Variants in FEZF2 observed in about 807,000 individuals in gnomAD.
FEZF2 encodes the protein fez family zinc finger protein 2.
In FEZF2, 2 loss-of-function variants were observed where a neutral mutation model predicts 32.8. The ratio of observed to expected loss-of-function variants is 0.06; its 90% CI spans 0.02 to 0.19. The LOEUF is 0.19. Ranked by LOEUF, FEZF2 falls within the 10% of genes least tolerant of loss-of-function variation. FEZF2 has a pLI of 1.00. For synonymous variants in FEZF2, 322 were observed against 284.8 expected (o/e 1.13, Z -1.32); for missense variants, 516 against 625.4 (o/e 0.83, Z 1.87).
rs539817586 is a variant in FEZF2, at chr3:62,371,414, C to T, written c.988-65G>A. On this transcript the variant is annotated intron_variant, in intron 3 of 4. Coordinates refer to ENST00000283268, the MANE Select transcript of FEZF2 (RefSeq NM_018008.4). ...TCGGGAACACCTGGAAGGGACATCCCCCCCACCCCCACTCAACCCTAGAGG... is the reference window on the plus strand; with the variant it reads ...TCGGGAACACCTGGAAGGGACATCCTCCCCACCCCCACTCAACCCTAGAGG... The T allele has an allele frequency of 5.0e-6, 8 of 1,586,794 alleles. No individual in the cohort carries two copies. In the South Asian group the frequency reaches 9.4e-5, roughly 19 times the overall value.
intron 4 of FEZF2, 77 bp downstream of exon 4, chr3:62,371,140 C>A: frequency 1.2e-6 from 2 of 1,608,998 alleles, no homozygotes; most frequent in Non-Finnish European, 1.7e-6. Context: ...CCAGATCCCT[C>A]TTTGCCTTCC....
In FEZF2 at chr3:62,372,149, C is replaced by A. The variant is rs532330321; in HGVS notation, c.720G>T (p.Ala240=). 1 of 1,590,024 alleles carries A rather than the reference C, an allele frequency of 6.3e-7. No individual in the cohort carries two copies. ...TTTCCTTCAGTACCTGCTCCAGCGG[C>A]GCCGGCAAGCGCTCCTTATGGGGAT... is the stretch of plus-strand genomic sequence containing the variant. ...APYPHKERLP[A]PLEQVLKENS... The change falls in exon 2 of 5, where the codon GCG becomes GCT. Residue 240 remains alanine, a synonymous_variant. Transcript: ENST00000283268. This position sits in a 1 kb window ranked among gnomAD's most constrained non-coding sequence, Gnocchi z 9.6.
In FEZF2 at chr3:62,370,533, C is replaced by T. The variant is rs569147768; in HGVS notation, c.1121-191G>A. The stretch of plus-strand genomic sequence containing the variant: ...AAGCCGGGTGCTCTCCCGACAAGAC[C>T]GAGACTGAGTCCCGCGGAGCCGCTC... On this transcript the variant is annotated intron_variant, in intron 4 of 4. Coordinates refer to ENST00000283268, the MANE Select transcript of FEZF2 (RefSeq NM_018008.4). The surrounding 1 kb of genome is among the most constrained non-coding windows in gnomAD (Gnocchi z 4.2). Among the ~76,000 whole-genome samples the T allele has an allele frequency of 6.6e-6, 1 of 152,190 alleles. No homozygotes were observed. Among genetic ancestry groups the T allele is most frequent in the Admixed American group, 6.5e-5 (1 of 15,288 alleles).
Position 62,372,991 on chromosome 3 carries a change from A to C in FEZF2, c.-58-65T>G, listed in dbSNP as rs1161615420. 1 of 967,632 alleles carries C rather than the reference A, an allele frequency of 1.0e-6. No homozygotes were observed. The highest frequency in any genetic ancestry group is 1.7e-5 in the African/African-American group (1 of 58,600). The allele number at this position is 967,632 out of a possible 1,614,324, so 59.9% of individuals were successfully genotyped here. A position where few individuals can be genotyped will look rare whatever the true frequency, so the allele number is the denominator to read the frequency against. On this transcript the variant is annotated intron_variant, in intron 1 of 4. Transcript: ENST00000283268. The surrounding 1 kb of genome is among the most constrained non-coding windows in gnomAD (Gnocchi z 9.6). ...ATAAGCACCTAGTCGGGCCCGGGTC[A>C]CCCATTTGCATTCAAATGAACAGGG... is the stretch of plus-strand genomic sequence containing the variant.
In FEZF2 at chr3:62,371,515, G is replaced by T. The variant is rs761391800; in HGVS notation, c.987+18C>A. 69 of 1,605,184 alleles carry T rather than the reference G, an allele frequency of 4.3e-5. No homozygotes were observed. Among genetic ancestry groups the T allele is most frequent in the Admixed American group, 1.2e-4 (7 of 59,330 alleles). On this transcript the variant is annotated intron_variant, in intron 3 of 4. Coordinates refer to ENST00000283268, the MANE Select transcript of FEZF2 (RefSeq NM_018008.4). ...TGGGGGTTGCGCGCGGGCTAGGCCC[G>T]ACCCGGGGGCCACGTACCTGGGTGT...
Position 62,372,434 on chromosome 3 carries a change from C to G in FEZF2, c.435G>C (p.Ala145=). The stretch of plus-strand genomic sequence containing the variant: ...GCTTGATGACCCTGCCCGCGGGCAG[C>G]GCGGACGGCGCCAGGCCCAGCTCGG... ...CKAELGLAPS[A]LPAGRVIKPQ... The change falls in exon 2 of 5, where the codon GCG becomes GCC. Residue 145 remains alanine (A), a synonymous_variant. Transcript: ENST00000283268. The surrounding 1 kb of genome is among the most constrained non-coding windows in gnomAD (Gnocchi z 9.6). The G allele has an allele frequency of 6.2e-7, 1 of 1,608,418 alleles. No homozygotes were observed. The highest frequency in any genetic ancestry group is 8.5e-7 in the Non-Finnish European group (1 of 1,178,806).
In FEZF2 at chr3:62,370,462, G is replaced by GT; in HGVS notation, c.1121-121_1121-120insA. On this transcript the variant is annotated intron_variant, in intron 4 of 4. Coordinates refer to ENST00000283268, the MANE Select transcript of FEZF2 (RefSeq NM_018008.4). This position sits in a 1 kb window ranked among gnomAD's most constrained non-coding sequence, Gnocchi z 4.2. Reference sequence around the variant, plus strand: ...AAAAAAGGCGACGCTTGGCTAGGCGGGCGCGACCTCTTCGAGTGAAGAAGT... The same window carrying GT: ...AAAAAAGGCGACGCTTGGCTAGGCGGTGCGCGACCTCTTCGAGTGAAGAAGT... The GT allele has an allele frequency of 9.6e-7, 1 of 1,036,768 alleles. No individual in the cohort carries two copies. The highest frequency in any genetic ancestry group is 1.4e-6 in the Non-Finnish European group (1 of 702,694). The allele number at this position is 1,036,768 out of a possible 1,614,324, so 64.2% of individuals were successfully genotyped here. A position where few individuals can be genotyped will look rare whatever the true frequency, so the allele number is the denominator to read the frequency against.
In FEZF2 at chr3:62,371,364, G is replaced by C; in HGVS notation, c.988-15C>G. ...TGTGGCTTTTCCTGAGGAAAGGGGC[G>C]AGTGCACAGTAAGGAGAGGCCACCT... is the stretch of plus-strand genomic sequence containing the variant. On this transcript the variant is annotated splice_polypyrimidine_tract_variant and intron_variant, in intron 3 of 4. Transcript: ENST00000283268. 6.2e-7 allele frequency: 1 copy of C among 1,612,016 alleles called. No homozygotes were observed. Among genetic ancestry groups the C allele is most frequent in the Non-Finnish European group, 8.5e-7 (1 of 1,178,826 alleles).
rs1017780793 is a variant in FEZF2 at position 62,372,135 on chromosome 3, A to G, written c.734T>C (p.Val245Ala). 1 of 1,597,734 alleles carries G rather than the reference A, an allele frequency of 6.3e-7. No individual in the cohort carries two copies. Among genetic ancestry groups the G allele is most frequent in the Non-Finnish European group, 8.5e-7 (1 of 1,172,764 alleles). ...AGTCAGGGCCGAGTTTTCCTTCAGT[A>G]CCTGCTCCAGCGGCGCCGGCAAGCG... Reference protein sequence around the residue: ...KERLPAPLEQVLKENSALTAE... With the variant: ...KERLPAPLEQALKENSALTAE... Residue 245 changes from valine (V) to alanine (A), a missense_variant, in exon 2 of 5, where the codon GTA becomes GCA. Coordinates refer to ENST00000283268, the MANE Select transcript of FEZF2 (RefSeq NM_018008.4). This position sits in a 1 kb window ranked among gnomAD's most constrained non-coding sequence, Gnocchi z 9.6.
Position 62,373,004 on chromosome 3 carries a change from C to A in FEZF2, c.-58-78G>T, listed in dbSNP as rs1055785144. On this transcript the variant is annotated intron_variant, in intron 1 of 4. Transcript: ENST00000283268. The surrounding 1 kb of genome is among the most constrained non-coding windows in gnomAD (Gnocchi z 5.5). Reference sequence around the variant, plus strand: ...CGGGCCCGGGTCACCCATTTGCATTCAAATGAACAGGGGCAAAACAAAGTG... The same window carrying A: ...CGGGCCCGGGTCACCCATTTGCATTAAAATGAACAGGGGCAAAACAAAGTG... 2 of 863,652 alleles carry A rather than the reference C, an allele frequency of 2.3e-6. No individual in the cohort carries two copies. Among genetic ancestry groups the A allele is most frequent in the Non-Finnish European group, 3.2e-6 (2 of 633,810 alleles). The allele number at this position is 863,652 out of a possible 1,614,324, so 53.5% of individuals were successfully genotyped here.
rs771604335 is a variant in FEZF2, at chr3:62,372,648, A to T, written c.221T>A (p.Ile74Asn). The change falls in exon 2 of 5, where the codon ATC (isoleucine) becomes AAC (asparagine). Residue 74 changes from isoleucine (I) to asparagine (N), a missense_variant. By Grantham distance (149) the Ile-to-Asn change is moderately radical (BLOSUM62 -3). Transcript: ENST00000283268. This position sits in a 1 kb window ranked among gnomAD's most constrained non-coding sequence, Gnocchi z 9.6. ...LNLCSPLPCM[I>N]PLQPLGYEVP... ...CTCGTAGCCTAGGGGCTGGAGGGGG[A>T]TCATACAGGGCAGCGGCGAGCAGAG... 1.4e-5 allele frequency: 22 copies of T among 1,594,462 alleles called. No individual in the cohort carries two copies. Among genetic ancestry groups the T allele is most frequent in the Non-Finnish European group, 1.0e-5 (12 of 1,169,494 alleles).
rs760113431 is a variant in FEZF2 at position 62,372,516 on chromosome 3, G to GCCC, written c.350_352dup (p.Gly117dup). 2 of 1,307,604 alleles carry GCCC rather than the reference G, an allele frequency of 1.5e-6. No individual in the cohort carries two copies. The highest frequency in any genetic ancestry group is 1.5e-5 in the African/African-American group (1 of 64,922). 81.0% of individuals were successfully genotyped at this position (1,307,604 alleles called of 1,614,324 possible). A position where few individuals can be genotyped will look rare whatever the true frequency, so the allele number is the denominator to read the frequency against. ...CAAGCCGCTGGCGCCGCACACTGGG[G>GCCC]CCCCCCCGCCGCCGCCGCCGCCACC... is the stretch of plus-strand genomic sequence containing the variant. On this transcript the variant is annotated inframe_insertion, in exon 2 of 5. Coordinates refer to ENST00000283268, the MANE Select transcript of FEZF2 (RefSeq NM_018008.4). The surrounding 1 kb of genome is among the most constrained non-coding windows in gnomAD (Gnocchi z 9.6).
Position 62,372,071 on chromosome 3 carries a change from T to G in FEZF2, c.798A>C (p.Pro266=). ...RGGVKGHSKL[P]GGSADGKPKN... is the part of the protein sequence containing the mutation. Reference sequence around the variant, plus strand: ...TGGGCTTGCCATCTGCGGAGCCTCCTGGCAGCTTGCTGTGGCCCTTGACGC... The same window carrying G: ...TGGGCTTGCCATCTGCGGAGCCTCCGGGCAGCTTGCTGTGGCCCTTGACGC... Residue 266 remains proline (P), a synonymous_variant, in exon 2 of 5, where the codon CCA becomes CCC. Transcript: ENST00000283268. This position sits in a 1 kb window ranked among gnomAD's most constrained non-coding sequence, Gnocchi z 9.6. 1 of 1,609,450 alleles carries G rather than the reference T, an allele frequency of 6.2e-7. No individual in the cohort carries two copies. The highest frequency in any genetic ancestry group is 8.5e-7 in the Non-Finnish European group (1 of 1,178,896).
chr3:62,373,274 T>A lies in FEZF2; in HGVS notation c.-59+5A>T. ...AAGAGGACCGGAGAGCCACCTCGCA[T>A]TTACCTCTTTCCCCCACCACCAAGG... On this transcript the variant is annotated splice_donor_5th_base_variant and intron_variant, in intron 1 of 4. Transcript: ENST00000283268. The surrounding 1 kb of genome is among the most constrained non-coding windows in gnomAD (Gnocchi z 5.5). 5.4e-6 allele frequency: 1 copy of A among 186,598 alleles called. No individual in the cohort carries two copies. The highest frequency in any genetic ancestry group is 1.1e-5 in the Non-Finnish European group (1 of 91,002). 11.6% of individuals were successfully genotyped at this position (186,598 alleles called of 1,614,324 possible). A position where few individuals can be genotyped will look rare whatever the true frequency, so the allele number is the denominator to read the frequency against.
intron 2 of FEZF2, 92 bp from the exon 3 acceptor site, chr3:62,371,759 AC>A: frequency 2.0e-6 from 3 of 1,511,546 alleles, no homozygotes; most frequent in Non-Finnish European, 1.8e-6. Flanking sequence ...CCCAACCAAC[AC>A]CCCCTTCAGA....
Position 62,372,738 on chromosome 3 carries a change from G to C in FEZF2, c.131C>G (p.Ala44Gly). 3 of 1,608,672 alleles carry C rather than the reference G, an allele frequency of 1.9e-6. No homozygotes were observed. The East Asian group carries it at 6.8e-5, about 36-fold the overall frequency. Residue 44 changes from alanine (A) to glycine (G), a missense_variant, in exon 2 of 5, where the codon GCG (alanine) becomes GGG (glycine). Coordinates refer to ENST00000283268, the MANE Select transcript of FEZF2 (RefSeq NM_018008.4). This position sits in a 1 kb window ranked among gnomAD's most constrained non-coding sequence, Gnocchi z 9.6. ...CGCTCCAGGCCGGGGCTCAAAGGGC[G>C]CACGGGGCTCCGACGTCTTGGCCAT... ...RIMAKTSEPR[A>G]PFEPRPGALE...
At position 62,372,627 on chromosome 3, in the gene FEZF2, T is replaced by C. The variant is rs761248690; in HGVS notation, c.242A>G (p.Tyr81Cys). The C allele has an allele frequency of 1.3e-6, 2 of 1,569,882 alleles. No homozygotes were observed. Among genetic ancestry groups the C allele is most frequent in the Non-Finnish European group, 8.7e-7 (1 of 1,155,288 alleles). ...GAGCAGTGTCTTTGACGGCACCTCG[T>C]AGCCTAGGGGCTGGAGGGGGATCAT... ...PCMIPLQPLGYEVPSKTLLSY... is the reference protein window; with the variant it reads ...PCMIPLQPLGCEVPSKTLLSY... Residue 81 changes from tyrosine (Y) to cysteine (C), a missense_variant, in exon 2 of 5, where the codon TAC becomes TGC. This residue lies in a region of FEZF2 where 408 missense variants were observed against 382.2 expected (regional missense o/e 1.07). Transcript: ENST00000283268. The surrounding 1 kb of genome is among the most constrained non-coding windows in gnomAD (Gnocchi z 9.6).
chr3:62,373,029 G>A lies in FEZF2; in HGVS notation c.-58-103C>T, dbSNP rs909628733. ...CAAATGAACAGGGGCAAAACAAAGT[G>A]CACCCAAGGGTACCAAATTACCGCC... On this transcript the variant is annotated intron_variant, in intron 1 of 4. Transcript: ENST00000283268. The surrounding 1 kb of genome is among the most constrained non-coding windows in gnomAD (Gnocchi z 5.5). 3.4e-6 allele frequency: 2 copies of A among 593,630 alleles called. No homozygotes were observed. The highest frequency in any genetic ancestry group is 4.9e-6 in the Non-Finnish European group (2 of 407,408). The allele number at this position is 593,630 out of a possible 1,614,324, so 36.8% of individuals were successfully genotyped here.
Position 62,370,138 on chromosome 3 carries a change from C to G in FEZF2, c.1325G>C (p.Ser442Thr). ...LKKHVRKLHD[S>T]VGPAAPSAKD... ...TGCGGAGGGGGCAGCAGGGCCCACG[C>G]TGTCGTGGAGTTTGCGCACATGTTT... The change falls in exon 5 of 5, where the codon AGC becomes ACC. Residue 442 changes from serine (S) to threonine (T), a missense_variant. This residue lies in a region of FEZF2 where 29 missense variants were observed against 23.8 expected (regional missense o/e 1.22). Transcript: ENST00000283268. The surrounding 1 kb of genome is among the most constrained non-coding windows in gnomAD (Gnocchi z 4.2). 1 of 1,614,212 alleles carries G rather than the reference C, an allele frequency of 6.2e-7. No homozygotes were observed. The highest frequency in any genetic ancestry group is 8.5e-7 in the Non-Finnish European group (1 of 1,180,034).
Sources: allele counts gnomAD v4.1 joint callset (sites outside exome capture counted in the v4.1 genomes callset), GRCh38; gene constraint gnomAD v4.1.1; regional missense constraint gnomAD v4.1.1; non-coding constraint Gnocchi (gnomAD v3.1); transcripts MANE v1.5; gene names NCBI Gene and HGNC (gene_info 2026-07-23, HGNC 2026-07-21).